Variants in SLC15A5 observed in about 807,000 individuals in gnomAD.
SLC15A5 encodes Peptide/histidine transporter ENSP00000340402.
A neutral mutation model predicts 56.1 loss-of-function variants in SLC15A5; 58 were observed. That is an observed-to-expected ratio of 1.03 (90% CI 0.84 to 1.29). SLC15A5 has a LOEUF of 1.29. SLC15A5 is among the 50% of genes most tolerant of loss of function. The pLI is 0.00. For missense variants in SLC15A5, 681 were observed against 672.1 expected (o/e 1.01, Z -0.15); for synonymous variants, 264 against 250.5 (o/e 1.05, Z -0.51).
At position 16,244,593 on chromosome 12, in the gene SLC15A5, A is replaced by G. The variant is rs779754170; in HGVS notation, c.962T>C (p.Met321Thr). The part of the protein sequence containing the change: ...PLFIFQLLYR[M>T]CIMQIPSGYY... Reference sequence around the variant, plus strand: ...GCCTGTCCTTACCTGCATAATGCACATTCTGTATAGGAGCTGAAAAATGAA... The same window carrying G: ...GCCTGTCCTTACCTGCATAATGCACGTTCTGTATAGGAGCTGAAAAATGAA... The change falls in exon 4 of 9, where the codon ATG becomes ACG. Residue 321 changes from methionine to threonine, a missense_variant. Coordinates refer to ENST00000344941, the MANE Select transcript of SLC15A5 (RefSeq NM_001170798.1). 5 of 1,537,726 alleles carry G rather than the reference A, an allele frequency of 3.3e-6. No homozygotes were observed. Among genetic ancestry groups the G allele is most frequent in the Non-Finnish European group, 4.4e-6 (5 of 1,147,028 alleles).
At chr12:16,228,001 G>T (rs1411163928) in intron 5 of SLC15A5, among the ~76,000 whole-genome samples, 1 of 152,180 alleles carries the variant, frequency 6.6e-6, no homozygotes, top group African/African-American at 2.4e-5. Flanking sequence ...GATGCAAAGA[G>T]CAAGGAGGAA....
At chr12:16,245,884 T>C (rs1425466511) in intron 3 of SLC15A5, among the ~76,000 whole-genome samples, 1 of 152,232 alleles carries the variant, frequency 6.6e-6, no homozygotes, top group Non-Finnish European at 1.5e-5. Context: ...TTTTTATGTT[T>C]AAATAAAGAA....
chr12:16,252,037 A>G (rs1864524098), intron 3 of SLC15A5, among the ~76,000 whole-genome samples: 1 of 152,214 alleles, frequency 6.6e-6, no homozygotes, highest in Middle Eastern at 3.4e-3. Flanking sequence ...ATTACATCAC[A>G]TTAACAAAAT....
intron 5 of SLC15A5, among the ~76,000 whole-genome samples, chr12:16,232,332 A>T (rs1864306985): frequency 6.6e-6 from 1 of 152,174 alleles, no homozygotes; most frequent in South Asian, 2.1e-4. Flanking sequence ...AAACAAACAC[A>T]TTTATAGATT....
intron 5 of SLC15A5, among the ~76,000 whole-genome samples, chr12:16,228,195 T>G (rs534971432): frequency 6.6e-6 from 1 of 152,070 alleles, no homozygotes; most frequent in East Asian, 1.9e-4. Context: ...CTCAGGAAAT[T>G]GGGTGAATCA....
intron 2 of SLC15A5, among the ~76,000 whole-genome samples, chr12:16,262,719 G>A (rs1487848934): frequency 1.3e-5 from 2 of 152,146 alleles, no homozygotes; most frequent in Admixed American, 6.5e-5. Flanking sequence ...TTGTGGGAGG[G>A]ACCCAATTGG....
chr12:16,236,312 G>C (rs1419297250), intron 5 of SLC15A5, among the ~76,000 whole-genome samples: 3 of 152,198 alleles, frequency 2.0e-5, no homozygotes, highest in Non-Finnish European at 2.9e-5. Flanking sequence ...TTCTGGATTT[G>C]TAGTGAATTA....
chr12:16,230,283 T>C (rs1055012362), intron 5 of SLC15A5, among the ~76,000 whole-genome samples: 11 of 152,176 alleles, frequency 7.2e-5, no homozygotes, highest in Non-Finnish European at 1.5e-4. Flanking sequence ...AATGAGTAGA[T>C]GGGAATGAAA....
intron 2 of SLC15A5, among the ~76,000 whole-genome samples, chr12:16,268,874 T>G (rs1035518407): frequency 3.9e-5 from 6 of 152,106 alleles, no homozygotes; most frequent in Admixed American, 1.3e-4. Context: ...AATCTTAACT[T>G]GGTATTAGGT....
intron 7 of SLC15A5, among the ~76,000 whole-genome samples, chr12:16,207,141 A>G (rs974123848): frequency 2.6e-5 from 4 of 152,208 alleles, no homozygotes; most frequent in African/African-American, 9.6e-5. Context: ...CTTCTTATTA[A>G]TTAAACATCA....
chr12:16,225,935 C>A (rs1864237051), intron 5 of SLC15A5, among the ~76,000 whole-genome samples: 2 of 152,208 alleles, frequency 1.3e-5, no homozygotes, highest in African/African-American at 4.8e-5. Flanking sequence ...TTCCTCTTCC[C>A]TGACTTCCTA....
At chr12:16,220,506 A>G (rs1319020757) in intron 6 of SLC15A5, among the ~76,000 whole-genome samples, 2 of 152,212 alleles carry the variant, frequency 1.3e-5, no homozygotes, top group African/African-American at 4.8e-5. Context: ...TATGCCTTGT[A>G]CCTCAGACCA....
rs1028480018 is a variant in SLC15A5, at chr12:16,189,768, T to C, written c.1640A>G (p.Asn547Ser). ...HFNAQNIRGS[N>S]LEETLLLHEK... Reference sequence around the variant, plus strand: ...GTGGAGGAGAAGTGTTTCTTCAAGATTACTTCCACGGATGTTCTGGGCATT... The same window carrying C: ...GTGGAGGAGAAGTGTTTCTTCAAGACTACTTCCACGGATGTTCTGGGCATT... Residue 547 changes from asparagine to serine, a missense_variant, in exon 9 of 9, where the codon AAT (asparagine) becomes AGT (serine). Asn to Ser is a conservative substitution (Grantham distance 46, BLOSUM62 1). Transcript: ENST00000344941. 3 of 1,529,430 alleles carry C rather than the reference T, an allele frequency of 2.0e-6. No homozygotes were observed. The highest frequency in any genetic ancestry group is 1.4e-5 in the African/African-American group (1 of 72,704). 94.7% of individuals were successfully genotyped at this position (1,529,430 alleles called of 1,614,324 possible).
At chr12:16,270,391 T>C (rs1402240441) in intron 2 of SLC15A5, among the ~76,000 whole-genome samples, 1 of 152,188 alleles carries the variant, frequency 6.6e-6, no homozygotes, top group Non-Finnish European at 1.5e-5. Context: ...TGAAATTCGT[T>C]ATATTTACCA....
At chr12:16,247,777 A>G (rs912340374) in intron 3 of SLC15A5, among the ~76,000 whole-genome samples, 3 of 152,152 alleles carry the variant, frequency 2.0e-5, no homozygotes, top group African/African-American at 7.2e-5. Context: ...GTCAGATCAT[A>G]TAGCTCAAAG....
At chr12:16,274,596 G>A (rs1423102251) in intron 1 of SLC15A5, among the ~76,000 whole-genome samples, 5 of 152,026 alleles carry the variant, frequency 3.3e-5, no homozygotes, top group South Asian at 2.1e-4. Flanking sequence ...CATGAGGTGA[G>A]CCCTTTAAAT....
intron 2 of SLC15A5, among the ~76,000 whole-genome samples, chr12:16,258,189 C>T (rs1864596856): frequency 6.6e-6 from 1 of 152,150 alleles, no homozygotes; most frequent in Non-Finnish European, 1.5e-5. Context: ...GCAGGCCATA[C>T]AGTCTCTGTA....
chr12:16,194,330 C>A lies in SLC15A5; in HGVS notation c.1592+15G>T. 1 of 1,497,088 alleles carries A rather than the reference C, an allele frequency of 6.7e-7. No homozygotes were observed. The highest frequency in any genetic ancestry group is 9.0e-7 in the Non-Finnish European group (1 of 1,114,790). 92.7% of individuals were successfully genotyped at this position (1,497,088 alleles called of 1,614,324 possible). A position where few individuals can be genotyped will look rare whatever the true frequency, so the allele number is the denominator to read the frequency against. The stretch of plus-strand genomic sequence containing the variant: ...TGGACTCAGAAATTTTTCATCTTAC[C>A]ACACACTTACTTACCTTTGTGAAAC... On this transcript the variant is annotated intron_variant, in intron 8 of 8. Transcript: ENST00000344941.
At chr12:16,248,219 A>G (rs928678302) in intron 3 of SLC15A5, among the ~76,000 whole-genome samples, 2 of 152,136 alleles carry the variant, frequency 1.3e-5, no homozygotes, top group African/African-American at 2.4e-5. Flanking sequence ...CCAAGTCAAT[A>G]TGTCAAATAA....
Sources: gnomAD v4.1 joint callset for allele counts (sites outside exome capture counted in the v4.1 genomes callset) on GRCh38, gnomAD v4.1.1 for gene constraint, MANE v1.5 for transcripts, NCBI Gene and HGNC (gene_info 2026-07-23, HGNC 2026-07-21) for gene names.